The following FER variants were observed in gnomAD, a reference collection of about 807,000 sequenced individuals.
FER encodes the protein tyrosine-protein kinase Fer.
Under a neutral mutation model 111.0 loss-of-function variants are expected in FER, and 63 were observed. The observed-to-expected ratio is 0.57, with a 90% CI of 0.46 to 0.70. FER has a LOEUF of 0.70. Ranked by LOEUF, FER falls within the 30% of genes least tolerant of loss-of-function variation. The pLI is 0.00. For synonymous variants in FER, 327 were observed against 313.9 expected (o/e 1.04, Z -0.44); for missense variants, 914 against 954.0 (o/e 0.96, Z 0.55).
At chr5:108,806,098 T>C (rs1265111970) in intron 3 of FER, among the ~76,000 whole-genome samples, 2 of 152,150 alleles carry the variant, frequency 1.3e-5, no homozygotes, top group African/African-American at 4.8e-5. Context: ...TCTAAGGACT[T>C]GGTGCCCTGC....
chr5:108,942,176 C>T lies in FER; in HGVS notation c.1237-3954C>T, dbSNP rs371353738. ...AACGTGAACTGGCTATTGAATAGGA[C>T]GGGAGCTAATTATAGCCTTCTTCTT... On this transcript the variant is annotated intron_variant, in intron 10 of 19. Coordinates refer to ENST00000281092, the MANE Select transcript of FER (RefSeq NM_005246.4). Among the ~76,000 whole-genome samples the T allele has an allele frequency of 1.2e-4, 18 of 152,198 alleles. 1 individual carries two copies. The South Asian group carries it at 2.3e-3, about 19-fold the overall frequency.
At chr5:109,025,220 A>G (rs1165906922) in intron 13 of FER, among the ~76,000 whole-genome samples, 5 of 152,030 alleles carry the variant, frequency 3.3e-5, no homozygotes, top group Non-Finnish European at 5.9e-5. Flanking sequence ...CAGTATGGCC[A>G]TTTTCATGAT....
intron 13 of FER, among the ~76,000 whole-genome samples, chr5:108,986,294 CT>C (rs371003422): frequency 0.19 from 27,109 of 141,936 alleles, 2,635 homozygotes; most frequent in Non-Finnish European, 0.23. Context: ...TTTTTCTTCT[CT>C]TTTTTTTTTT....
intron 13 of FER, among the ~76,000 whole-genome samples, chr5:108,966,350 A>C (rs760271730): frequency 6.6e-6 from 1 of 150,994 alleles, no homozygotes; most frequent in African/African-American, 2.4e-5. Flanking sequence ...TCACCATTTC[A>C]TCATTTTAAA....
At chr5:108,961,012 C>T (rs962225891) in intron 13 of FER, among the ~76,000 whole-genome samples, 3 of 152,068 alleles carry the variant, frequency 2.0e-5, no homozygotes, top group South Asian at 4.1e-4. Flanking sequence ...TGCTTGAGCC[C>T]GGGAGGTTGA....
At chr5:108,817,270 A>C (rs931331500) in intron 3 of FER, among the ~76,000 whole-genome samples, 20 of 152,202 alleles carry the variant, frequency 1.3e-4, no homozygotes, top group African/African-American at 4.8e-4. Context: ...TTGCGATTGA[A>C]TCTTTGAAAA....
At chr5:108,970,541 T>C (rs1760504176) in intron 13 of FER, among the ~76,000 whole-genome samples, 1 of 152,132 alleles carries the variant, frequency 6.6e-6, no homozygotes, top group African/African-American at 2.4e-5. Context: ...TTTAGAAGTG[T>C]TTACAGCCAA....
At chr5:109,131,342 T>TA (rs1332318588) in intron 17 of FER, among the ~76,000 whole-genome samples, 2 of 152,164 alleles carry the variant, frequency 1.3e-5, no homozygotes, top group African/African-American at 4.8e-5. Flanking sequence ...ACCTTGTTCT[T>TA]TGTTGAATAA....
intron 2 of FER, among the ~76,000 whole-genome samples, chr5:108,786,360 C>T (rs924519086): frequency 6.6e-6 from 1 of 152,144 alleles, no homozygotes; most frequent in Admixed American, 6.5e-5. Context: ...TGTGAAGTCT[C>T]AGGATTTTGT....
chr5:109,180,641 T>C, intron 17 of FER, 106 bp from the exon 18 acceptor site: 1 of 1,271,490 alleles, frequency 7.9e-7, no homozygotes, highest in Non-Finnish European at 1.1e-6. Context: ...TTAACCTCAT[T>C]ATAAATACAT....
At chr5:109,016,069 A>C (rs1767072001) in intron 13 of FER, among the ~76,000 whole-genome samples, 2 of 152,010 alleles carry the variant, frequency 1.3e-5, no homozygotes, top group Admixed American at 6.6e-5. Context: ...CCAGGAGCTG[A>C]GAATGCCCTT....
At chr5:109,108,375 A>G (rs1229501540) in intron 17 of FER, among the ~76,000 whole-genome samples, 1 of 152,210 alleles carries the variant, frequency 6.6e-6, no homozygotes, top group Non-Finnish European at 1.5e-5. Flanking sequence ...TTTTGTGAAG[A>G]TGATCAGCCA....
intron 18 of FER, among the ~76,000 whole-genome samples, chr5:109,182,896 C>T (rs763389905): frequency 2.0e-5 from 3 of 152,084 alleles, no homozygotes; most frequent in Non-Finnish European, 2.9e-5. Flanking sequence ...GGCTGGAGTG[C>T]GGCGGCATAA....
chr5:108,943,066 C>T (rs973339535), intron 10 of FER, among the ~76,000 whole-genome samples: 5 of 152,038 alleles, frequency 3.3e-5, no homozygotes, highest in East Asian at 1.9e-4. Context: ...TTTAAAGACC[C>T]GTTATTAACA....
At chr5:108,845,035 TATATAC>T (rs1761836982) in intron 5 of FER, among the ~76,000 whole-genome samples, 13 of 55,108 alleles carry the variant, frequency 2.4e-4, no homozygotes, top group Admixed American at 7.0e-4. Context: ...TATATATATA[TATATAC>T]ATATATATAT....
chr5:109,079,114 T>C (rs1490129597), intron 16 of FER, among the ~76,000 whole-genome samples: 1 of 152,164 alleles, frequency 6.6e-6, no homozygotes, highest in Non-Finnish European at 1.5e-5. Flanking sequence ...CCTTGTTTAT[T>C]TTTTTCTAGT....
At chr5:108,856,316 G>A (rs1763002673) in intron 5 of FER, among the ~76,000 whole-genome samples, 1 of 152,054 alleles carries the variant, frequency 6.6e-6, no homozygotes, top group Non-Finnish European at 1.5e-5. Context: ...AAACCATTAA[G>A]TATACAATGA....
At chr5:109,041,747 T>A (rs1354837574) in intron 14 of FER, among the ~76,000 whole-genome samples, 1 of 152,156 alleles carries the variant, frequency 6.6e-6, no homozygotes, top group South Asian at 2.1e-4. Context: ...TATTTTCAAA[T>A]TCAGTAAATG....
intron 13 of FER, among the ~76,000 whole-genome samples, chr5:108,992,173 C>T (rs1297918872): frequency 6.6e-6 from 1 of 152,164 alleles, no homozygotes; most frequent in Non-Finnish European, 1.5e-5. Flanking sequence ...GCACATGTTT[C>T]AGAGAGCACA....
Sources: allele counts gnomAD v4.1 joint callset (sites outside exome capture counted in the v4.1 genomes callset), GRCh38; gene constraint gnomAD v4.1.1; transcripts MANE v1.5; gene names NCBI Gene and HGNC (gene_info 2026-07-23, HGNC 2026-07-21).